The following RRP12 variants were observed in gnomAD, a reference collection of about 807,000 sequenced individuals.
RRP12 encodes the protein RRP12-like protein.
Under a neutral mutation model 157.3 loss-of-function variants are expected in RRP12, and 78 were observed. The ratio of observed to expected loss-of-function variants is 0.50; its 90% CI spans 0.41 to 0.60. The LOEUF (loss-of-function observed/expected upper bound fraction) is 0.60, where lower values mean the gene tolerates loss of function less well. RRP12 is among the 20% of genes least tolerant of loss of function. The probability of loss-of-function intolerance (pLI) is 0.00; values close to 1 mark genes in which losing one functional copy is unlikely to be tolerated. For missense variants in RRP12, 1,521 were observed against 1,679.9 expected (o/e 0.91, Z 1.65); for synonymous variants, 726 against 670.9 (o/e 1.08, Z -1.27).
At position 97,400,380 on chromosome 10, in the gene RRP12, G is replaced by A. The variant is rs1369603469; in HGVS notation, c.294C>T (p.Gly98=). 2.5e-6 allele frequency: 4 copies of A among 1,613,752 alleles called. No individual in the cohort carries two copies. The African/African-American group carries it at 4.0e-5, about 16-fold the overall frequency. Residue 98 remains glycine (G), a synonymous_variant, in exon 2 of 34, where the codon GGC becomes GGT. Coordinates refer to ENST00000370992, the MANE Select transcript of RRP12 (RefSeq NM_015179.4). ...TEKSSGTFLS[G]LSDCTNVTFS... ...AGGTGACGTTTGTGCAGTCGGAAAG[G>A]CCACTCAGGAAGGTACCCGAGGACT...
intron 33 of RRP12, among the ~76,000 whole-genome samples, chr10:97,357,408 C>T (rs919471842): frequency 1.0e-3 from 153 of 152,298 alleles, no homozygotes; most frequent in African/African-American, 3.3e-3. Context: ...CAATTATCCC[C>T]CTGGAAACAG....
intron 23 of RRP12, 87 bp downstream of exon 23, chr10:97,370,366 GCA>G: frequency 7.4e-7 from 1 of 1,356,854 alleles, no homozygotes; most frequent in Non-Finnish European, 1.0e-6. Flanking sequence ...CAGGGCCAGG[GCA>G]CAGAGCTCTC....
rs866058123 is a variant in RRP12 at position 97,401,021 on chromosome 10, C to T, written c.139+72G>A. ...GCCTGGCCCCGCACTCTCCCAGAGG[C>T]CCCAGACTCATCTGGACCCAGGTCT... On this transcript the variant is annotated intron_variant, in intron 1 of 33. Coordinates refer to ENST00000370992, the MANE Select transcript of RRP12 (RefSeq NM_015179.4). The T allele has an allele frequency of 2.7e-5, 42 of 1,557,700 alleles. No homozygotes were observed. In the Middle Eastern group the frequency reaches 9.9e-4, roughly 37 times the overall value.
intron 25 of RRP12, among the ~76,000 whole-genome samples, chr10:97,367,589 C>T (rs995692874): frequency 6.6e-5 from 10 of 152,218 alleles, no homozygotes; most frequent in Non-Finnish European, 1.3e-4. Context: ...TTCTCTTGGT[C>T]CCCTATGTCC....
intron 10 of RRP12, among the ~76,000 whole-genome samples, chr10:97,384,204 G>GT (rs113556539): frequency 1.4e-5 from 2 of 142,836 alleles, no homozygotes; most frequent in Non-Finnish European, 1.5e-5. Flanking sequence ...AGCCAGGATG[G>GT]GGCTCTGAGC....
chr10:97,382,561 A>G (rs890800392), intron 10 of RRP12, among the ~76,000 whole-genome samples: 2 of 152,210 alleles, frequency 1.3e-5, no homozygotes, highest in Non-Finnish European at 2.9e-5. Flanking sequence ...ATAGATGAGG[A>G]AAGACACAGA....
chr10:97,387,979 G>T, intron 8 of RRP12: 1 of 395,740 alleles, frequency 2.5e-6, no homozygotes, highest in Non-Finnish European at 4.5e-6. Context: ...TTGGTATAGG[G>T]TACATAGAGC....
At chr10:97,367,272 C>G in intron 25 of RRP12, 140 bp from the exon 26 acceptor site, 1 of 681,624 alleles carries the variant, frequency 1.5e-6, no homozygotes, top group Non-Finnish European at 2.5e-6. Flanking sequence ...GGCCCACACC[C>G]TGGCCCAGTC....
intron 31 of RRP12, among the ~76,000 whole-genome samples, 159 bp from the exon 32 acceptor site, chr10:97,359,169 G>A (rs969996137): frequency 2.0e-4 from 31 of 152,336 alleles, no homozygotes; most frequent in Middle Eastern, 3.4e-3. Flanking sequence ...GACCTTCCTC[G>A]AGGAGGGACT....
intron 8 of RRP12, among the ~76,000 whole-genome samples, chr10:97,387,562 C>A (rs1466652136): frequency 6.6e-6 from 1 of 151,636 alleles, no homozygotes; most frequent in Non-Finnish European, 1.5e-5. Flanking sequence ...ATACAAAGAG[C>A]TGACTGTATA....
Position 97,373,214 on chromosome 10 carries a change from C to A in RRP12, c.2027-14G>T. Reference sequence around the variant, plus strand: ...CACGGTCAGCCTCTGGTAAAAGGATCAAAGTTTGCACTAAAGGCACAGGAG... The same window carrying A: ...CACGGTCAGCCTCTGGTAAAAGGATAAAAGTTTGCACTAAAGGCACAGGAG... On this transcript the variant is annotated splice_polypyrimidine_tract_variant and intron_variant, in intron 17 of 33. Coordinates refer to ENST00000370992, the MANE Select transcript of RRP12 (RefSeq NM_015179.4). The A allele has an allele frequency of 6.2e-7, 1 of 1,613,160 alleles. No homozygotes were observed. The highest frequency in any genetic ancestry group is 1.1e-5 in the South Asian group (1 of 90,984).
intron 19 of RRP12, 53 bp from the exon 20 acceptor site, chr10:97,372,219 G>A: frequency 7.1e-7 from 1 of 1,414,518 alleles, no homozygotes; most frequent in Non-Finnish European, 9.9e-7. Context: ...GAAGGGCGCA[G>A]ACTACCAGTG....
At chr10:97,365,802 A>G in intron 29 of RRP12, 1 of 294,350 alleles carries the variant, frequency 3.4e-6, no homozygotes, top group South Asian at 4.4e-5. Flanking sequence ...AGAAAAGGAG[A>G]AAGGAAGAGG....
At chr10:97,381,610 G>A (rs866068569) in intron 11 of RRP12, 105 bp downstream of exon 11, 7 of 1,201,924 alleles carry the variant, frequency 5.8e-6, no homozygotes, top group Middle Eastern at 4.0e-4. Context: ...TTTTGAGAGC[G>A]GCCTCTCTGG....
At position 97,396,283 on chromosome 10, in the gene RRP12, C is replaced by T. The variant is rs1032781002; in HGVS notation, c.388G>A (p.Ala130Thr). ...AHKEICAVLA[A>T]VTEVIRSQGG... ...TGGGAGCGAATCACCTCAGTGACAG[C>T]AGCCAGAACAGCACAGATCTGCACA... Residue 130 changes from alanine (A) to threonine (T), a missense_variant, in exon 3 of 34, where the codon GCT becomes ACT. Physicochemically the swap from Ala to Thr is moderately conservative, Grantham distance 58. Coordinates refer to ENST00000370992, the MANE Select transcript of RRP12 (RefSeq NM_015179.4). 6.2e-6 allele frequency: 10 copies of T among 1,613,610 alleles called. No individual in the cohort carries two copies. The highest frequency in any genetic ancestry group is 8.5e-6 in the Non-Finnish European group (10 of 1,179,712).
chr10:97,362,346 G>A (rs572931508), intron 30 of RRP12, among the ~76,000 whole-genome samples: 158 of 152,324 alleles, frequency 1.0e-3, no homozygotes, highest in African/African-American at 3.5e-3. Flanking sequence ...AGCCACATGT[G>A]AAGATGTGCT....
Position 97,373,611 on chromosome 10 carries a change from C to T in RRP12, c.1990G>A (p.Ala664Thr). Residue 664 changes from alanine (A) to threonine (T), a missense_variant, in exon 17 of 34, where the codon GCC (alanine) becomes ACC (threonine). By Grantham distance (58) the Ala-to-Thr change is moderately conservative (BLOSUM62 0). Coordinates refer to ENST00000370992, the MANE Select transcript of RRP12 (RefSeq NM_015179.4). ...RPDLRVTVCQ[A>T]LRTLITKGCQ... ...CCCTTGGTGATGAGGGTGCGCAGGG[C>T]CTGGCACACGGTGACCCTCAGGTCT... is the stretch of plus-strand genomic sequence containing the variant. 6.2e-7 allele frequency: 1 copy of T among 1,611,662 alleles called. No homozygotes were observed. Among genetic ancestry groups the T allele is most frequent in the Non-Finnish European group, 8.5e-7 (1 of 1,178,884 alleles).
chr10:97,390,725 C>G lies in RRP12; in HGVS notation c.636+14G>C, dbSNP rs1005680796. On this transcript the variant is annotated intron_variant, in intron 5 of 33. Transcript: ENST00000370992. Reference sequence around the variant, plus strand: ...GGGAGTCGCCAGATGAGAAACTAAACCCCAGACACTAACCCATCGGAGGAC... The same window carrying G: ...GGGAGTCGCCAGATGAGAAACTAAAGCCCAGACACTAACCCATCGGAGGAC... 2 of 1,580,448 alleles carry G rather than the reference C, an allele frequency of 1.3e-6. No individual in the cohort carries two copies. Among genetic ancestry groups the G allele is most frequent in the South Asian group, 2.2e-5 (2 of 90,418 alleles).
At chr10:97,368,116 C>T (rs984379494) in intron 25 of RRP12, among the ~76,000 whole-genome samples, 2 of 151,108 alleles carry the variant, frequency 1.3e-5, no homozygotes, top group African/African-American at 2.4e-5. Context: ...CTGCAACCTC[C>T]GCCTCCCAGG....
Sources: gnomAD v4.1 joint callset for allele counts (sites outside exome capture counted in the v4.1 genomes callset) on GRCh38, gnomAD v4.1.1 for gene constraint, MANE v1.5 for transcripts, NCBI Gene and HGNC (gene_info 2026-07-23, HGNC 2026-07-21) for gene names.